Variants in MARCHF1 observed in about 807,000 individuals in gnomAD.
MARCHF1 encodes membrane associated ring-CH-type finger 1.
A neutral mutation model predicts 54.2 loss-of-function variants in MARCHF1; 40 were observed. The ratio of observed to expected loss-of-function variants is 0.74; its 90% CI spans 0.57 to 0.96. MARCHF1 has a LOEUF of 0.96. Ranked by LOEUF, MARCHF1 falls within the 40% of genes least tolerant of loss-of-function variation. MARCHF1 has a pLI of 0.00. For missense variants in MARCHF1, 586 were observed against 656.5 expected, an observed-to-expected ratio of 0.89 and a Z score of 1.17; for synonymous variants, 236 against 236.3, an observed-to-expected ratio of 1.00 and a Z score of 0.01.
At chr4:163,649,540 T>G (rs1461076581) in intron 5 of MARCHF1, among the ~76,000 whole-genome samples, 1 of 152,028 alleles carries the variant, frequency 6.6e-6, no homozygotes, top group Non-Finnish European at 1.5e-5. Context: ...CTCTAAGCCT[T>G]GCTTGCCTCC....
At chr4:164,356,730 T>A (rs4691967) in intron 1 of MARCHF1, among the ~76,000 whole-genome samples, 35,718 of 92,098 alleles carry the variant, frequency 0.39, 7,136 homozygotes, top group East Asian at 0.51. Flanking sequence ...AACCTGCACA[T>A]TGTGCACATG....
chr4:164,106,222 T>C (rs2111170166), intron 2 of MARCHF1, among the ~76,000 whole-genome samples: 1 of 135,982 alleles, frequency 7.4e-6, no homozygotes, highest in Non-Finnish European at 1.6e-5. Context: ...TCCTCAGGGA[T>C]CTAGAACTGG....
In MARCHF1 at chr4:163,528,419, G is replaced by C. The variant is rs1738215470; in HGVS notation, c.*329C>G. The C allele has an allele frequency of 8.2e-6, 2 of 243,318 alleles. No individual in the cohort carries two copies. Among genetic ancestry groups the C allele is most frequent in the Non-Finnish European group, 1.6e-5 (2 of 125,930 alleles). 15.1% of individuals were successfully genotyped at this position (243,318 alleles called of 1,614,324 possible). On this transcript the variant is annotated 3_prime_UTR_variant, in exon 10 of 10. Coordinates refer to ENST00000514618, the MANE Select transcript of MARCHF1 (RefSeq NM_001394959.1). ...ATTCTTGAACTTTTCCCCTGTTACT[G>C]TGAAGAAGAGTATCATGGGTCCATT...
chr4:163,936,453 A>G (rs149420335), intron 3 of MARCHF1, among the ~76,000 whole-genome samples: 76 of 152,330 alleles, frequency 5.0e-4, no homozygotes, highest in African/African-American at 1.8e-3. Context: ...TGTTGCTTCT[A>G]TTTCTCTTGA....
chr4:164,189,117 T>C (rs1731056165), intron 1 of MARCHF1: 2 of 653,194 alleles, frequency 3.1e-6, no homozygotes, highest in Non-Finnish European at 2.8e-6. Flanking sequence ...TCGTGGCCAC[T>C]AATGGAGATA....
At chr4:163,807,844 TA>T (rs1234844130) in intron 4 of MARCHF1, among the ~76,000 whole-genome samples, 1 of 152,112 alleles carries the variant, frequency 6.6e-6, no homozygotes, top group Non-Finnish European at 1.5e-5. Flanking sequence ...TTTTGCCTCT[TA>T]TACGTTTCTG....
At chr4:164,288,808 G>A (rs1390703258) in intron 1 of MARCHF1, among the ~76,000 whole-genome samples, 1 of 152,026 alleles carries the variant, frequency 6.6e-6, no homozygotes, top group Non-Finnish European at 1.5e-5. Context: ...AAATTCCGAG[G>A]TGAGAGTTTT....
intron 4 of MARCHF1, among the ~76,000 whole-genome samples, chr4:163,757,247 T>C (rs915609024): frequency 7.9e-5 from 12 of 152,196 alleles, no homozygotes; most frequent in Admixed American, 6.5e-4. Context: ...CCATGGTTGC[T>C]TCTCCCATGT....
chr4:164,073,835 C>T (rs573845276), intron 2 of MARCHF1, among the ~76,000 whole-genome samples: 54 of 151,856 alleles, frequency 3.6e-4, no homozygotes, highest in African/African-American at 1.2e-3. Context: ...GAGACAGTCT[C>T]GCTCTGTCGC....
intron 2 of MARCHF1, among the ~76,000 whole-genome samples, chr4:164,097,108 T>C (rs919241948): frequency 6.6e-6 from 1 of 152,216 alleles, no homozygotes; most frequent in East Asian, 1.9e-4. Flanking sequence ...CTTGTTATAC[T>C]ATAGACATTA....
At chr4:163,545,542 C>T (rs1579048378) in intron 9 of MARCHF1, 54 bp downstream of exon 9, 1 of 1,563,846 alleles carries the variant, frequency 6.4e-7, no homozygotes, top group African/African-American at 1.4e-5. Context: ...CCCTATCCAC[C>T]TCTGAGTATT....
At chr4:164,197,821 CG>C (rs1173201847) in intron 1 of MARCHF1, 6 of 1,530,866 alleles carry the variant, frequency 3.9e-6, no homozygotes, top group Non-Finnish European at 5.2e-6. Flanking sequence ...CAGCTCCGCT[CG>C]GTTCTCGAGC....
At chr4:164,376,681 T>C (rs1578912833) in intron 1 of MARCHF1, among the ~76,000 whole-genome samples, 1 of 152,068 alleles carries the variant, frequency 6.6e-6, no homozygotes, top group Non-Finnish European at 1.5e-5. Flanking sequence ...TCCATGGTGG[T>C]GTTAGCTCCT....
At chr4:164,054,791 G>A (rs1445377240) in intron 2 of MARCHF1, among the ~76,000 whole-genome samples, 2 of 106,056 alleles carry the variant, frequency 1.9e-5, no homozygotes, top group African/African-American at 3.6e-5. Flanking sequence ...GGTGGGGGGA[G>A]GGGGGAGGGA....
intron 3 of MARCHF1, among the ~76,000 whole-genome samples, chr4:163,913,838 C>A (rs929237429): frequency 1.3e-5 from 2 of 152,136 alleles, no homozygotes; most frequent in African/African-American, 4.8e-5. Context: ...GTTAGCATAT[C>A]TTGGGCATTA....
intron 1 of MARCHF1, among the ~76,000 whole-genome samples, chr4:164,348,762 C>T (rs752959613): frequency 2.0e-5 from 3 of 152,160 alleles, no homozygotes; most frequent in South Asian, 2.1e-4. Flanking sequence ...TCCTGGTCTT[C>T]AGTCATTAAG....
intron 5 of MARCHF1, among the ~76,000 whole-genome samples, chr4:163,652,005 A>T (rs1742985353): frequency 6.6e-6 from 1 of 151,626 alleles, no homozygotes; most frequent in Non-Finnish European, 1.5e-5. Context: ...ACTCATTCTG[A>T]ACTATTTTTA....
rs1164298583 is a variant in MARCHF1, at chr4:163,531,025, C to CA, written c.1340-1980dup. On this transcript the variant is annotated intron_variant, in intron 9 of 9. Transcript: ENST00000514618. The stretch of plus-strand genomic sequence containing the variant: ...CTTTCAGAGCAGAAAGCACCAAGCT[C>CA]AAATAGTTTTACTAGTGGATTCTAC... Among the ~76,000 whole-genome samples, 5 of 151,844 alleles carry CA rather than the reference C, an allele frequency of 3.3e-5. No homozygotes were observed. In the East Asian group the frequency reaches 9.6e-4, roughly 29 times the overall value.
At chr4:163,735,909 A>G (rs1746021967) in intron 4 of MARCHF1, among the ~76,000 whole-genome samples, 1 of 152,174 alleles carries the variant, frequency 6.6e-6, no homozygotes, top group South Asian at 2.1e-4. Context: ...AAGATAGTGG[A>G]TGCCTTTAAC....
Sources: allele counts gnomAD v4.1 joint callset (sites outside exome capture counted in the v4.1 genomes callset), GRCh38; gene constraint gnomAD v4.1.1; transcripts MANE v1.5; gene names NCBI Gene and HGNC (gene_info 2026-07-23, HGNC 2026-07-21).